LRRC37B: variants seen among roughly 807,000 people sequenced by gnomAD.
The protein encoded by LRRC37B is leucine rich repeat containing 37B, also known as leucine-rich repeat-containing protein 37B.
Under a neutral mutation model 98.3 loss-of-function variants are expected in LRRC37B, and 28 were observed. The ratio of observed to expected loss-of-function variants is 0.28; its 90% CI spans 0.21 to 0.39. The LOEUF is 0.39. Among genes scored for constraint, LRRC37B ranks in the 10% least tolerant of loss-of-function variants. The pLI is 1.00. For missense variants in LRRC37B, 938 were observed against 1,182.7 expected, an observed-to-expected ratio of 0.79 and a Z score of 3.03; for synonymous variants, 364 against 442.7, an observed-to-expected ratio of 0.82 and a Z score of 2.23.
upstream of LRRC37B, among the ~76,000 whole-genome samples, chr17:32,019,921 G>T (rs368651497): frequency 9.9e-5 from 15 of 151,980 alleles, no homozygotes; most frequent in Non-Finnish European, 2.1e-4. Context: ...TTGCGATCTC[G>T]GCTCACTGCA....
chr17:32,036,033 C>T (rs1911237673), intron 7 of LRRC37B: 1 of 203,256 alleles, frequency 4.9e-6, no homozygotes, highest in Non-Finnish European at 9.8e-6. Context: ...GACGGAGTCT[C>T]ACTGTCACTC....
At chr17:32,027,412 AGTGTGTGTGCGTGCTTGCCT>A (rs1567615056) in intron 2 of LRRC37B, among the ~76,000 whole-genome samples, 3 of 90,004 alleles carry the variant, frequency 3.3e-5, no homozygotes, top group African/African-American at 8.9e-5. Flanking sequence ...TGTGCTTGCA[AGTGTGTGTGCGTGCTTGCCT>A]GTGTGTGTGT....
At chr17:32,035,489 T>C in intron 6 of LRRC37B, 76 bp from the exon 10 acceptor site, 3 of 1,448,668 alleles carry the variant, frequency 2.1e-6, no homozygotes, top group Non-Finnish European at 1.9e-6. Context: ...AGTAATCACA[T>C]GTCCTTGAAT....
chr17:32,010,688 T>C (rs1384481778), intron 1 of LRRC37B, among the ~76,000 whole-genome samples: 1 of 152,200 alleles, frequency 6.6e-6, no homozygotes, highest in Non-Finnish European at 1.5e-5. Context: ...TACACTAAGT[T>C]ATTGTTGACT....
At chr17:32,014,235 A>G (rs1910600516) in intron 1 of LRRC37B, among the ~76,000 whole-genome samples, 1 of 152,242 alleles carries the variant, frequency 6.6e-6, no homozygotes, top group South Asian at 2.1e-4. Flanking sequence ...TCTAGTGATG[A>G]TAAAGGCTAT....
rs187881176 is a variant in LRRC37B, at chr17:32,041,181, G to A, written c.2205-4519G>A. The A allele has an allele frequency of 5.1e-3, 3,928 of 772,182 alleles. 93 individuals are homozygous for A. The African/African-American group carries it at 0.059, about 12-fold the overall frequency. The allele number at this position is 772,182 out of a possible 1,614,324, so 47.8% of individuals were successfully genotyped here. On this transcript the variant is annotated intron_variant, in intron 7 of 11. Coordinates refer to ENST00000327564, the Ensembl canonical transcript of LRRC37B. ...GGAAGCTTCCTCACGCCCCAAGCGG[G>A]AGTATAAGCCCAAGTTCTGGGAGCC...
At chr17:32,042,863 A>G (rs947853510) in intron 7 of LRRC37B, 3 of 152,172 alleles carry the variant, frequency 2.0e-5, no homozygotes, top group African/African-American at 7.2e-5. Flanking sequence ...TGAACACAAA[A>G]TGCAATGTCT....
intron 1 of LRRC37B, among the ~76,000 whole-genome samples, chr17:32,014,647 A>G (rs1366151024): frequency 1.3e-5 from 2 of 152,214 alleles, no homozygotes; most frequent in Non-Finnish European, 1.5e-5. Flanking sequence ...TAAAATATGT[A>G]TGGTGGTTGA....
intron 1 of LRRC37B, among the ~76,000 whole-genome samples, chr17:32,009,030 A>G (rs1910471196): frequency 6.6e-6 from 1 of 151,970 alleles, no homozygotes; most frequent in Non-Finnish European, 1.5e-5. Flanking sequence ...TAGCTGTACC[A>G]TTTTTCATTC....
chr17:32,042,419 A>T (rs2142258386), intron 7 of LRRC37B: 1 of 160,886 alleles, frequency 6.2e-6, no homozygotes, highest in East Asian at 1.5e-4. Context: ...CAAAGGCTCC[A>T]GTGAGCAAAT....
exon 10 of LRRC37B, chr17:32,049,154 C>T (rs764428658): frequency 6.2e-6 from 10 of 1,613,792 alleles, no homozygotes; most frequent in East Asian, 4.5e-5. Flanking sequence ...TCATCCCCAA[C>T]GAGGATGTGA....
At chr17:32,035,527 T>C (rs1217375562) in intron 6 of LRRC37B, 38 bp from the exon 10 acceptor site, 3 of 1,575,730 alleles carry the variant, frequency 1.9e-6, no homozygotes, top group Non-Finnish European at 2.6e-6. Context: ...AATTTTGTAA[T>C]GGGTTCATAT....
intron 11 of LRRC37B, chr17:32,052,289 A>G (rs561345073): frequency 6.6e-6 from 1 of 150,868 alleles, no homozygotes; most frequent in Non-Finnish European, 1.5e-5. Context: ...GGCTTAAGGG[A>G]TCCTCCTGCC....
At chr17:32,025,288 G>A (rs2142244086) in intron 2 of LRRC37B, among the ~76,000 whole-genome samples, 1 of 150,428 alleles carries the variant, frequency 6.6e-6, no homozygotes, top group South Asian at 2.1e-4. Flanking sequence ...CTCCCACCTT[G>A]GCCTCCTAAA....
At chr17:32,045,640 C>T (rs1911550011) in intron 7 of LRRC37B, 60 bp from the exon 11 acceptor site, 16 of 1,590,630 alleles carry the variant, frequency 1.0e-5, no homozygotes, top group Non-Finnish European at 1.3e-5. Flanking sequence ...TGGCTGCCTC[C>T]TTTACCTACT....
intron 1 of LRRC37B, among the ~76,000 whole-genome samples, chr17:32,013,710 A>ATGTG (rs141872427): frequency 0.052 from 7,767 of 148,118 alleles, 470 homozygotes; most frequent in African/African-American, 0.13. Context: ...ATAATTGTAT[A>ATGTG]TGTGTGTGTG....
At chr17:32,007,915 C>A, upstream of LRRC37B, 1 of 698,514 alleles carries the variant, frequency 1.4e-6, no homozygotes, top group Non-Finnish European at 1.9e-6. This position sits in a 1 kb window ranked among gnomAD's most constrained non-coding sequence, Gnocchi z 4.1. Flanking sequence ...CCACCGCAGC[C>A]CGGAGGGCTG....
intron 7 of LRRC37B, among the ~76,000 whole-genome samples, chr17:32,038,088 C>T (rs1911304175): frequency 6.6e-6 from 1 of 151,868 alleles, no homozygotes. Flanking sequence ...GATCACGCCA[C>T]TGCACTCCAG....
intron 7 of LRRC37B, among the ~76,000 whole-genome samples, chr17:32,037,845 T>C (rs201431227): frequency 5.4e-4 from 82 of 152,136 alleles, no homozygotes; most frequent in South Asian, 2.3e-3. Context: ...TGGTGGCTCA[T>C]GCCTGTAATC....
Sources: allele counts gnomAD v4.1 joint callset (sites outside exome capture counted in the v4.1 genomes callset), GRCh38; gene constraint gnomAD v4.1.1; non-coding constraint Gnocchi (gnomAD v3.1); transcripts MANE v1.5; gene names NCBI Gene and HGNC (gene_info 2026-07-23, HGNC 2026-07-21).